Variants in FAM133B observed in about 807,000 individuals in gnomAD.
FAM133B encodes the protein protein FAM133B.
A neutral mutation model predicts 46.4 loss-of-function variants in FAM133B; 25 were observed. The observed-to-expected ratio is 0.54, with a 90% confidence interval of 0.39 to 0.75. FAM133B has a LOEUF of 0.75. FAM133B is among the 30% of genes least tolerant of loss of function. The pLI is 0.00. For missense variants in FAM133B, 205 were observed against 277.6 expected (o/e 0.74, Z 1.86); for synonymous variants, 75 against 86.0 (o/e 0.87, Z 0.71).
intron 1 of FAM133B, among the ~76,000 whole-genome samples, chr7:92,588,193 T>C (rs550900135): frequency 3.3e-4 from 50 of 152,318 alleles, no homozygotes; most frequent in Non-Finnish European, 5.9e-4. Flanking sequence ...GTGCCATAGC[T>C]GCATACCAAA....
intron 1 of FAM133B, chr7:92,585,315 G>C (rs1436607550): frequency 2.2e-6 from 2 of 929,916 alleles, no homozygotes; most frequent in Admixed American, 1.2e-4. Flanking sequence ...AAATTTAACT[G>C]GTCTCAGGTT....
intron 6 of FAM133B, 123 bp from the exon 7 acceptor site, chr7:92,577,318 TCTTAATA>T: frequency 8.3e-6 from 5 of 600,646 alleles, no homozygotes; most frequent in Non-Finnish European, 1.3e-5. Context: ...TATATTTTTT[TCTTAATA>T]CTTAATACAT....
At chr7:92,570,411 G>A (rs1356859574) in intron 8 of FAM133B, among the ~76,000 whole-genome samples, 2 of 152,068 alleles carry the variant, frequency 1.3e-5, no homozygotes, top group African/African-American at 4.8e-5. Context: ...TGTTGAAAAA[G>A]TGAGTAACTC....
intron 1 of FAM133B, among the ~76,000 whole-genome samples, chr7:92,587,187 CT>C (rs1430963693): frequency 6.6e-6 from 1 of 152,050 alleles, no homozygotes; most frequent in Non-Finnish European, 1.5e-5. Context: ...TTCACTGGGG[CT>C]TTTTTTGGAA....
chr7:92,565,625 G>A (rs532804677), intron 10 of FAM133B: 175 of 166,498 alleles, frequency 1.1e-3, no homozygotes, highest in African/African-American at 4.1e-3. Flanking sequence ...CACCATGCCC[G>A]GCTAATTTTT....
chr7:92,577,308 T>A, intron 6 of FAM133B, 113 bp from the exon 7 acceptor site: 1 of 673,844 alleles, frequency 1.5e-6, no homozygotes, highest in Non-Finnish European at 2.3e-6. Context: ...GATCAGTTTC[T>A]ATATTTTTTT....
chr7:92,575,039 T>G (rs1397528057), intron 8 of FAM133B, among the ~76,000 whole-genome samples: 1 of 152,160 alleles, frequency 6.6e-6, no homozygotes, highest in Non-Finnish European at 1.5e-5. Flanking sequence ...AAACCAGAAA[T>G]TAAGGTAGGC....
At chr7:92,563,532 C>T (rs1040121633) in intron 10 of FAM133B, among the ~76,000 whole-genome samples, 1 of 152,110 alleles carries the variant, frequency 6.6e-6, no homozygotes, top group African/African-American at 2.4e-5. Flanking sequence ...TCTGGGGCTT[C>T]CTTCCATTGT....
intron 1 of FAM133B, among the ~76,000 whole-genome samples, chr7:92,583,072 C>T (rs756013165): frequency 3.7e-4 from 57 of 152,252 alleles, no homozygotes; most frequent in Non-Finnish European, 4.9e-4. Context: ...GTGGAAACAA[C>T]GCAAATGTCC....
chr7:92,588,760 CAT>C (rs917307020), intron 1 of FAM133B, among the ~76,000 whole-genome samples: 1 of 152,116 alleles, frequency 6.6e-6, no homozygotes, highest in Non-Finnish European at 1.5e-5. Context: ...CCCAGCACTG[CAT>C]AGAGATGATT....
intron 3 of FAM133B, chr7:92,579,045 C>A: frequency 6.6e-6 from 2 of 304,878 alleles, no homozygotes; most frequent in Non-Finnish European, 1.2e-5. Context: ...TTTTTTAAAG[C>A]ATGCACGTAA....
chr7:92,590,206 G>C, intron 1 of FAM133B, 62 bp downstream of exon 1: 1 of 1,611,060 alleles, frequency 6.2e-7, no homozygotes, highest in South Asian at 1.1e-5. Flanking sequence ...AACAGCGAGG[G>C]TTCTCGCTGT....
chr7:92,572,867 T>C (rs1794573554), intron 8 of FAM133B, among the ~76,000 whole-genome samples: 1 of 152,230 alleles, frequency 6.6e-6, no homozygotes, highest in Admixed American at 6.5e-5. Flanking sequence ...GTGGATTAAT[T>C]AGTAGAATAC....
intron 2 of FAM133B, among the ~76,000 whole-genome samples, chr7:92,580,393 C>T (rs1794832865): frequency 6.6e-6 from 1 of 152,176 alleles, no homozygotes; most frequent in Non-Finnish European, 1.5e-5. Flanking sequence ...CCATGCCCAG[C>T]CCTGGAATCT....
At chr7:92,582,030 C>G (rs1794892801) in intron 1 of FAM133B, among the ~76,000 whole-genome samples, 1 of 152,114 alleles carries the variant, frequency 6.6e-6, no homozygotes, top group Admixed American at 6.5e-5. Context: ...AGGTGGAACA[C>G]CTGAAGTCAG....
At chr7:92,568,951 C>T (rs1794449824) in intron 9 of FAM133B, among the ~76,000 whole-genome samples, 1 of 151,996 alleles carries the variant, frequency 6.6e-6, no homozygotes, top group African/African-American at 2.4e-5. Flanking sequence ...AGACCAAGAA[C>T]GATGAAATCA....
At chr7:92,573,624 C>T (rs1794603972) in intron 8 of FAM133B, among the ~76,000 whole-genome samples, 2 of 151,558 alleles carry the variant, frequency 1.3e-5, no homozygotes, top group South Asian at 4.2e-4. Context: ...TTTAATATTT[C>T]ATGTTTCTAT....
At chr7:92,577,506 CCACT>C (rs1794737111) in intron 6 of FAM133B, 145 bp downstream of exon 6, 1 of 536,042 alleles carries the variant, frequency 1.9e-6, no homozygotes. Context: ...TTCCTAGTTA[CCACT>C]CACTCATGTT....
chr7:92,588,809 C>T (rs1272893650), intron 1 of FAM133B, among the ~76,000 whole-genome samples: 1 of 152,062 alleles, frequency 6.6e-6, no homozygotes, highest in Non-Finnish European at 1.5e-5. Context: ...TGTGTAGCAA[C>T]TCTCCCCGTC....
Sources: gnomAD v4.1 joint callset for allele counts (sites outside exome capture counted in the v4.1 genomes callset) on GRCh38, gnomAD v4.1.1 for gene constraint, MANE v1.5 for transcripts, NCBI Gene and HGNC (gene_info 2026-07-23, HGNC 2026-07-21) for gene names.